Variants in SRGAP3 observed in about 807,000 individuals in gnomAD.
The protein encoded by SRGAP3 is SLIT-ROBO Rho GTPase-activating protein 3.
SRGAP3 carries 39 observed loss-of-function variants against 121.1 expected under a neutral mutation model. That is an observed-to-expected ratio of 0.32 (90% CI 0.25 to 0.42). SRGAP3 has a LOEUF of 0.42. Among genes scored for constraint, SRGAP3 ranks in the 10% least tolerant of loss-of-function variants. The probability of loss-of-function intolerance (pLI) is 1.00; values close to 1 mark genes in which losing one functional copy is unlikely to be tolerated. For synonymous variants in SRGAP3, 601 were observed against 570.0 expected (o/e 1.05, Z -0.77); for missense variants, 1,213 against 1,470.6 (o/e 0.82, Z 2.86).
intron 1 of SRGAP3, among the ~76,000 whole-genome samples, chr3:9,228,362 T>G (rs1217807300): frequency 6.6e-6 from 1 of 152,174 alleles, no homozygotes; most frequent in Non-Finnish European, 1.5e-5. Context: ...GTTGCCCAAT[T>G]TTGTTGTGCA....
intron 1 of SRGAP3, among the ~76,000 whole-genome samples, chr3:9,169,629 G>T (rs1223082196): frequency 6.6e-6 from 1 of 152,184 alleles, no homozygotes; most frequent in East Asian, 1.9e-4. Context: ...AAACTTATGA[G>T]TCTCAACACT....
intron 3 of SRGAP3, among the ~76,000 whole-genome samples, chr3:9,282,745 G>A (rs934815746): frequency 2.0e-5 from 3 of 151,852 alleles, no homozygotes; most frequent in African/African-American, 7.3e-5. Flanking sequence ...GCCTCCCAAA[G>A]TGCTGGGATT....
chr3:9,273,036 C>T (rs1042939061), intron 3 of SRGAP3, among the ~76,000 whole-genome samples: 7 of 152,130 alleles, frequency 4.6e-5, no homozygotes, highest in East Asian at 1.9e-4. Flanking sequence ...ACGGGTTTCA[C>T]GGAAGACAAC....
intron 1 of SRGAP3, among the ~76,000 whole-genome samples, chr3:9,153,650 G>C (rs766256661): frequency 6.6e-6 from 1 of 152,084 alleles, no homozygotes; most frequent in Non-Finnish European, 1.5e-5. Context: ...GGTAACATAG[G>C]AACATTTAAC....
At chr3:9,284,526 G>A (rs1422159497) in intron 3 of SRGAP3, among the ~76,000 whole-genome samples, 3 of 152,144 alleles carry the variant, frequency 2.0e-5, no homozygotes, top group Non-Finnish European at 2.9e-5. Context: ...AATGGTCTTA[G>A]TATTAATATA....
chr3:9,072,318 C>T (rs1226332296), intron 4 of SRGAP3, among the ~76,000 whole-genome samples: 8 of 152,224 alleles, frequency 5.3e-5, no homozygotes, highest in Admixed American at 6.5e-5. Context: ...TTTCATCACC[C>T]CCTCTTCCAT....
intron 2 of SRGAP3, among the ~76,000 whole-genome samples, chr3:9,111,622 C>T (rs985603011): frequency 2.6e-5 from 4 of 152,168 alleles, no homozygotes; most frequent in African/African-American, 7.2e-5. Context: ...GGCCGCAGAC[C>T]GCAGAGCCAG....
chr3:9,276,505 A>C (rs563342317), intron 3 of SRGAP3, among the ~76,000 whole-genome samples: 49 of 151,026 alleles, frequency 3.2e-4, no homozygotes, highest in Non-Finnish European at 6.5e-4. Context: ...GGCTCACTGC[A>C]ACCTCTGCCT....
intron 4 of SRGAP3, among the ~76,000 whole-genome samples, chr3:9,072,170 G>A (rs557615917): frequency 1.2e-4 from 18 of 152,284 alleles, no homozygotes; most frequent in African/African-American, 3.4e-4. Context: ...CTGACTGGGC[G>A]GAGGCTCCCT....
At chr3:9,252,397 G>A (rs773525405), upstream of SRGAP3, among the ~76,000 whole-genome samples, 2 of 151,976 alleles carry the variant, frequency 1.3e-5, no homozygotes, top group Non-Finnish European at 2.9e-5. Context: ...ATTGCAGAGT[G>A]AGCCACCACA....
intron 3 of SRGAP3, among the ~76,000 whole-genome samples, chr3:9,268,798 T>A (rs1381222192): frequency 6.6e-6 from 1 of 152,152 alleles, no homozygotes; most frequent in East Asian, 1.9e-4. Context: ...GTAAATCAGG[T>A]CACACTGGCC....
At chr3:9,338,921 G>A (rs968386459) in intron 1 of SRGAP3, among the ~76,000 whole-genome samples, 9 of 152,184 alleles carry the variant, frequency 5.9e-5, no homozygotes, top group African/African-American at 1.9e-4. Flanking sequence ...TCCATACACA[G>A]TAGGTTTTAG....
intron 19 of SRGAP3, 27 bp from the exon 20 acceptor site, chr3:8,993,082 A>G (rs762816189): frequency 1.2e-6 from 2 of 1,613,086 alleles, no homozygotes. Flanking sequence ...CATGAATTGG[A>G]GGCACCTTCC....
At chr3:9,254,226 A>G (rs185325441), upstream of SRGAP3, among the ~76,000 whole-genome samples, 14 of 152,370 alleles carry the variant, frequency 9.2e-5, no homozygotes, top group African/African-American at 3.4e-4. Context: ...TGGATAAACA[A>G]AAAATGGCAT....
At chr3:9,074,818 C>A (rs1234091679) in intron 4 of SRGAP3, among the ~76,000 whole-genome samples, 1 of 152,232 alleles carries the variant, frequency 6.6e-6, no homozygotes, top group Non-Finnish European at 1.5e-5. Context: ...TAGAGTGATT[C>A]ATGGCTCCAG....
intron 1 of SRGAP3, among the ~76,000 whole-genome samples, chr3:9,175,619 T>C (rs1951150478): frequency 6.6e-6 from 1 of 152,222 alleles, no homozygotes; most frequent in Non-Finnish European, 1.5e-5. Context: ...GCAATGAGGA[T>C]GCAGCTTTGT....
At chr3:9,116,603 G>A (rs1285545768) in intron 2 of SRGAP3, among the ~76,000 whole-genome samples, 1 of 152,192 alleles carries the variant, frequency 6.6e-6, no homozygotes, top group Non-Finnish European at 1.5e-5. Context: ...CCCTAAGCTG[G>A]CCTCTGTGTA....
At chr3:9,013,647 T>C in intron 16 of SRGAP3, 90 bp downstream of exon 16, 1 of 1,563,412 alleles carries the variant, frequency 6.4e-7, no homozygotes, top group Admixed American at 1.7e-5. Flanking sequence ...TGTTCTCCTT[T>C]AAAAACAGCA....
At chr3:9,287,936 T>C (rs909171662) in intron 3 of SRGAP3, among the ~76,000 whole-genome samples, 11 of 152,148 alleles carry the variant, frequency 7.2e-5, no homozygotes, top group African/African-American at 2.4e-4. Flanking sequence ...TGAATTTTTT[T>C]TTAATCTATC....
Sources: allele counts gnomAD v4.1 joint callset (sites outside exome capture counted in the v4.1 genomes callset), GRCh38; gene constraint gnomAD v4.1.1; transcripts MANE v1.5; gene names NCBI Gene and HGNC (gene_info 2026-07-23, HGNC 2026-07-21).